Variants in FKBP9 observed in about 807,000 individuals in gnomAD.
FKBP9 encodes FKBP prolyl isomerase 9, also known as peptidyl-prolyl cis-trans isomerase FKBP9.
A neutral mutation model predicts 55.6 loss-of-function variants in FKBP9; 27 were observed. That is an observed-to-expected ratio of 0.49 (90% confidence interval 0.36 to 0.67). The LOEUF is 0.67. Among genes scored for constraint, FKBP9 ranks in the 30% least tolerant of loss-of-function variants. The probability of loss-of-function intolerance (pLI) is 0.00; values close to 1 mark genes in which losing one functional copy is unlikely to be tolerated. For missense variants in FKBP9, 539 were observed against 742.8 expected (o/e 0.73, Z 3.19); for synonymous variants, 267 against 296.5 (o/e 0.90, Z 1.02).
intron 5 of FKBP9, among the ~76,000 whole-genome samples, chr7:32,984,542 G>A (rs1422038718): frequency 6.6e-6 from 1 of 152,186 alleles, no homozygotes; most frequent in Non-Finnish European, 1.5e-5. Flanking sequence ...ACAGGCATGA[G>A]CCACCGCACC....
At chr7:32,979,495 T>A in intron 4 of FKBP9, 1 of 1,549,960 alleles carries the variant, frequency 6.5e-7, no homozygotes, top group East Asian at 2.4e-5. Context: ...GGGTGGGCTT[T>A]GCCAAAGGCC....
At chr7:32,971,079 G>T (rs906553090) in intron 1 of FKBP9, among the ~76,000 whole-genome samples, 1 of 150,672 alleles carries the variant, frequency 6.6e-6, no homozygotes, top group Non-Finnish European at 1.5e-5. Flanking sequence ...GTTTCCTGCA[G>T]GCCCCTGAAT....
At position 32,977,870 on chromosome 7, in the gene FKBP9, C is replaced by CATGTATATATATATAT. The variant is rs780985630; in HGVS notation, c.703+1373_703+1374insGTATATATATATATAT. On this transcript the variant is annotated intron_variant, in intron 4 of 9. Coordinates refer to ENST00000242209, the MANE Select transcript of FKBP9 (RefSeq NM_007270.5). ...ACACTCATATATATATATACATGCC[C>CATGTATATATATATAT]ATATATATATATGTATATATACACT... Among the ~76,000 whole-genome samples, 116 of 124,628 alleles carry CATGTATATATATATAT rather than the reference C, an allele frequency of 9.3e-4. 3 individuals carry two copies. In the East Asian group the frequency reaches 0.012, roughly 13 times the overall value. 81.8% of individuals were successfully genotyped at this position (124,628 alleles called of 152,430 possible). A position where few individuals can be genotyped will look rare whatever the true frequency, so the allele number is the denominator to read the frequency against.
chr7:32,971,323 A>G (rs2127979042), intron 1 of FKBP9, among the ~76,000 whole-genome samples: 1 of 152,294 alleles, frequency 6.6e-6, no homozygotes, highest in African/African-American at 2.4e-5. Flanking sequence ...CTCTTATATA[A>G]ATGTATACAT....
Position 32,976,480 on chromosome 7 carries a change from C to T in FKBP9, c.684C>T (p.Ala228=), listed in dbSNP as rs199654330. 8 of 1,608,880 alleles carry T rather than the reference C, an allele frequency of 5.0e-6. No individual in the cohort carries two copies. Among genetic ancestry groups the T allele is most frequent in the South Asian group, 1.1e-5 (1 of 90,410 alleles). ...KRIITIPPFL[A]YGEDGDGKDI... ...TCATCACCATTCCTCCTTTTCTGGC[C>T]TATGGAGAGGATGGAGATGGTAAGT... Residue 228 remains alanine, a synonymous_variant, in exon 4 of 10, where the codon GCC becomes GCT. Coordinates refer to ENST00000242209, the MANE Select transcript of FKBP9 (RefSeq NM_007270.5).
chr7:32,983,468 C>A (rs1784522821), intron 5 of FKBP9, among the ~76,000 whole-genome samples: 1 of 151,900 alleles, frequency 6.6e-6, no homozygotes, highest in African/African-American at 2.4e-5. Flanking sequence ...GCGCCTGTCA[C>A]CACACCAGGC....
chr7:32,984,451 T>C (rs1261742295), intron 5 of FKBP9, among the ~76,000 whole-genome samples: 1 of 152,020 alleles, frequency 6.6e-6, no homozygotes, highest in Non-Finnish European at 1.5e-5. Flanking sequence ...AGAGATGAGG[T>C]TTCACCATTT....
chr7:32,987,588 A>G (rs976048622), intron 5 of FKBP9, among the ~76,000 whole-genome samples: 1 of 152,126 alleles, frequency 6.6e-6, no homozygotes, highest in Non-Finnish European at 1.5e-5. Context: ...TATTGGAGAC[A>G]TTATCCTTGT....
chr7:32,971,440 TCTTTCTTC>T (rs1056964858), intron 1 of FKBP9, among the ~76,000 whole-genome samples: 31 of 152,198 alleles, frequency 2.0e-4, no homozygotes, highest in Middle Eastern at 3.4e-3. Context: ...AACAACTCTT[TCTTTCTTC>T]CTTTCTTCCT....
At chr7:32,960,108 CTTTTTTTT>C (rs398004304) in intron 1 of FKBP9, among the ~76,000 whole-genome samples, 5 of 98,620 alleles carry the variant, frequency 5.1e-5, no homozygotes, top group Admixed American at 2.7e-4. Context: ...TTGTACTTGT[CTTTTTTTT>C]TTTTTTTTTT....
Position 32,974,777 on chromosome 7 carries a change from C to G in FKBP9, c.367+15C>G. 5 of 1,610,576 alleles carry G rather than the reference C, an allele frequency of 3.1e-6. No homozygotes were observed. Among genetic ancestry groups the G allele is most frequent in the East Asian group, 2.2e-5 (1 of 44,860 alleles). ...TGAAGGAGTTTGTAAGCTTTTCTTC[C>G]TCGTTTATAAACACGTCAGCAGAAA... On this transcript the variant is annotated intron_variant, in intron 2 of 9. Transcript: ENST00000242209.
At position 32,988,629 on chromosome 7, in the gene FKBP9, T is replaced by C. The variant is rs1157537376; in HGVS notation, c.1016T>C (p.Leu339Pro). Reference protein sequence around the residue: ...EKRRIVVPPHLGYGEEGRGNI... With the variant: ...EKRRIVVPPHPGYGEEGRGNI... Reference sequence around the variant, plus strand: ...CGAAGGATTGTGGTCCCGCCTCACCTGGGGTATGGAGAGGAAGGAAGAGGT... The same window carrying C: ...CGAAGGATTGTGGTCCCGCCTCACCCGGGGTATGGAGAGGAAGGAAGAGGT... The change falls in exon 6 of 10, where the codon CTG becomes CCG. Residue 339 changes from leucine (L) to proline (P), a missense_variant. This residue lies in a region of FKBP9 where 172 missense variants were observed against 205.3 expected (regional missense o/e 0.84). Transcript: ENST00000242209. 4 of 1,613,854 alleles carry C rather than the reference T, an allele frequency of 2.5e-6. No individual in the cohort carries two copies. Among genetic ancestry groups the C allele is most frequent in the African/African-American group, 2.7e-5 (2 of 74,932 alleles).
intron 1 of FKBP9, among the ~76,000 whole-genome samples, chr7:32,965,829 A>ATG (rs1259627036): frequency 2.7e-4 from 8 of 29,792 alleles, no homozygotes; most frequent in African/African-American, 8.5e-4. Flanking sequence ...ATATATATAT[A>ATG]TATATATATA....
chr7:33,002,598 G>A (rs1300727951), intron 8 of FKBP9, 78 bp from the exon 9 acceptor site: 2 of 1,573,036 alleles, frequency 1.3e-6, no homozygotes, highest in Non-Finnish European at 1.7e-6. Flanking sequence ...GCTGCTGGAG[G>A]TTGGGGTGGG....
At chr7:32,968,809 C>T (rs1294570110) in intron 1 of FKBP9, among the ~76,000 whole-genome samples, 1 of 151,376 alleles carries the variant, frequency 6.6e-6, no homozygotes, top group African/African-American at 2.4e-5. Context: ...AGGCATATGC[C>T]ACCATGCCTG....
At position 32,973,943 on chromosome 7, in the gene FKBP9, C is replaced by A. The variant is rs1279121788; in HGVS notation, c.222-674C>A. 2.0e-5 allele frequency among the ~76,000 whole-genome samples: 3 copies of A among 151,460 alleles called. No homozygotes were observed. The East Asian group carries it at 5.8e-4, about 30-fold the overall frequency. On this transcript the variant is annotated intron_variant, in intron 1 of 9. Coordinates refer to ENST00000242209, the MANE Select transcript of FKBP9 (RefSeq NM_007270.5). ...CTGACCTCAGGTGATCCACTCTCCTCGGCCTCCCAAAGTGTTGGGATTACA... is the reference window on the plus strand; with the variant it reads ...CTGACCTCAGGTGATCCACTCTCCTAGGCCTCCCAAAGTGTTGGGATTACA...
chr7:32,974,874 T>C, intron 2 of FKBP9, 112 bp downstream of exon 2: 1 of 1,004,110 alleles, frequency 1.0e-6, no homozygotes, highest in Non-Finnish European at 1.5e-6. Flanking sequence ...TGGGGGAAAA[T>C]GAAAAGCAGT....
chr7:32,973,027 AC>A (rs1484993309), intron 1 of FKBP9, among the ~76,000 whole-genome samples: 1 of 152,050 alleles, frequency 6.6e-6, no homozygotes, highest in Non-Finnish European at 1.5e-5. Context: ...TGGCATTGTA[AC>A]CTGCCCTTTA....
intron 1 of FKBP9, 60 bp downstream of exon 1, chr7:32,957,854 G>C (rs1440524954): frequency 7.8e-7 from 1 of 1,276,892 alleles, no homozygotes; most frequent in Non-Finnish European, 1.0e-6. Flanking sequence ...TCTCCGGACA[G>C]GCCTTTCCCT....
Sources: allele counts gnomAD v4.1 joint callset (sites outside exome capture counted in the v4.1 genomes callset), GRCh38; gene constraint gnomAD v4.1.1; regional missense constraint gnomAD v4.1.1; transcripts MANE v1.5; gene names NCBI Gene and HGNC (gene_info 2026-07-23, HGNC 2026-07-21).